AP4S1: variants seen among roughly 807,000 people sequenced by gnomAD.
The protein encoded by AP4S1 is AP-4 complex subunit sigma-1.
AP4S1 carries 23 observed loss-of-function variants against 19.8 expected under a neutral mutation model. The ratio of observed to expected loss-of-function variants is 1.16; its 90% confidence interval spans 0.84 to 1.65. The LOEUF (loss-of-function observed/expected upper bound fraction) is 1.65, where lower values mean the gene tolerates loss of function less well. Among genes scored for constraint, AP4S1 ranks in the 40% most tolerant of loss-of-function variants. AP4S1 has a pLI of 0.00. For synonymous variants in AP4S1, 46 were observed against 54.1 expected (o/e 0.85, Z 0.66); for missense variants, 166 against 172.8 (o/e 0.96, Z 0.22).
At chr14:31,054,887 A>C (rs1486727204) in intron 1 of AP4S1, among the ~76,000 whole-genome samples, 3 of 148,658 alleles carry the variant, frequency 2.0e-5, no homozygotes, top group Non-Finnish European at 4.5e-5. Context: ...AAAAAAAAAA[A>C]AAAAAAAAAC....
At chr14:31,056,802 G>C (rs1886145386) in intron 1 of AP4S1, among the ~76,000 whole-genome samples, 1 of 152,124 alleles carries the variant, frequency 6.6e-6, no homozygotes, top group South Asian at 2.1e-4. Flanking sequence ...CATTTGGCTG[G>C]GCACAATGTC....
rs532172115 is a variant in AP4S1, at chr14:31,050,570, A to G, written c.-71-15556A>G. Among the ~76,000 whole-genome samples, 47 of 152,258 alleles carry G rather than the reference A, an allele frequency of 3.1e-4. 2 individuals carry two copies. The South Asian group carries it at 8.7e-3, about 28-fold the overall frequency. ...AGCAATTCTCCCACCTCAGCCTCCC[A>G]AGTATCTGGGATTACAGGTTTGAGT... On this transcript the variant is annotated intron_variant, in intron 1 of 5. Transcript: ENST00000542754.
Position 31,092,918 on chromosome 14 carries a change from T to C in AP4S1, c.318T>C (p.Asn106=). 6.5e-7 allele frequency: 1 copy of C among 1,529,070 alleles called. No individual in the cohort carries two copies. Among genetic ancestry groups the C allele is most frequent in the East Asian group, 2.5e-5 (1 of 40,448 alleles). 94.7% of individuals were successfully genotyped at this position (1,529,070 alleles called of 1,614,324 possible). A position where few individuals can be genotyped will look rare whatever the true frequency, so the allele number is the denominator to read the frequency against. Residue 106 remains asparagine, a synonymous_variant, in exon 6 of 6, where the codon AAT becomes AAC. Coordinates refer to ENST00000542754, the MANE Select transcript of AP4S1 (RefSeq NM_001128126.3). ...TAATATAACCGTAGATAATGTTTAA[T>C]TTGGATAAAGTACACATCATTTTGG... ...SRVSELDIMF[N]LDKVHIILDE... is the part of the protein sequence containing the mutation.
At chr14:31,082,018 C>A (rs1711362898) in intron 5 of AP4S1, among the ~76,000 whole-genome samples, 1 of 152,088 alleles carries the variant, frequency 6.6e-6, no homozygotes, top group Admixed American at 6.6e-5. Context: ...TTTATATATA[C>A]ACTTATATAA....
At chr14:31,057,462 A>C (rs1886182072) in intron 1 of AP4S1, among the ~76,000 whole-genome samples, 1 of 152,192 alleles carries the variant, frequency 6.6e-6, no homozygotes, top group African/African-American at 2.4e-5. Flanking sequence ...AACTCCCAGA[A>C]ATACGCCATC....
chr14:31,049,426 A>AG (rs1478005217), intron 1 of AP4S1, among the ~76,000 whole-genome samples: 2 of 43,048 alleles, frequency 4.6e-5, no homozygotes, highest in East Asian at 8.8e-4. Flanking sequence ...AAAAAAAAAA[A>AG]AAATATATAT....
At chr14:31,041,687 A>G (rs538556912) in intron 1 of AP4S1, among the ~76,000 whole-genome samples, 79 of 152,332 alleles carry the variant, frequency 5.2e-4, no homozygotes, top group African/African-American at 1.7e-3. Context: ...CAAAAATTTG[A>G]CAAAGAGTTT....
chr14:31,025,705 T>C lies in AP4S1; in HGVS notation c.-154T>C. ...CCCGCACCGCGTAGCCAGTGAAGGT[T>C]GGGGAGCAAGCTTATGCGGGAAAGA... is the stretch of plus-strand genomic sequence containing the variant. On this transcript the variant is annotated 5_prime_UTR_variant, in exon 1 of 6. Transcript: ENST00000542754. The C allele has an allele frequency of 1.3e-6, 1 of 788,916 alleles. No individual in the cohort carries two copies. The highest frequency in any genetic ancestry group is 1.9e-6 in the Non-Finnish European group (1 of 519,000). The allele number at this position is 788,916 out of a possible 1,614,324, so 48.9% of individuals were successfully genotyped here. A position where few individuals can be genotyped will look rare whatever the true frequency, so the allele number is the denominator to read the frequency against.
intron 1 of AP4S1, among the ~76,000 whole-genome samples, chr14:31,044,659 TA>T (rs35865489): frequency 8.2e-4 from 119 of 145,714 alleles, no homozygotes; most frequent in Non-Finnish European, 7.3e-4. Flanking sequence ...TGCTAGTTTC[TA>T]AAAAAAAAAA....
rs1214334184 is a variant in AP4S1 at position 31,073,503 on chromosome 14, A to C, written c.294+530A>C. Reference sequence around the variant, plus strand: ...AGACTCCGTCTCAGAAAAAAAAAAAACCCTCTTATTTGTTTTCTCCCAATT... The same window carrying C: ...AGACTCCGTCTCAGAAAAAAAAAAACCCCTCTTATTTGTTTTCTCCCAATT... On this transcript the variant is annotated intron_variant, in intron 4 of 5. Coordinates refer to ENST00000542754, the MANE Select transcript of AP4S1 (RefSeq NM_001128126.3). Among the ~76,000 whole-genome samples the C allele has an allele frequency of 1.0e-4, 15 of 149,262 alleles. 1 individual carries two copies. Among genetic ancestry groups the C allele is most frequent in the Middle Eastern group, 6.8e-3 (2 of 294 alleles).
chr14:31,068,775 T>A (rs776331208), intron 2 of AP4S1, among the ~76,000 whole-genome samples: 37 of 152,226 alleles, frequency 2.4e-4, no homozygotes, highest in Admixed American at 4.6e-4. Flanking sequence ...AGTAGCATAA[T>A]AGCAGCTTAG....
intron 1 of AP4S1, among the ~76,000 whole-genome samples, chr14:31,046,263 T>C (rs1031800037): frequency 5.9e-5 from 9 of 151,982 alleles, no homozygotes; most frequent in African/African-American, 2.2e-4. Context: ...AGCCAGAAGA[T>C]TTTTTAAATC....
At chr14:31,057,327 G>A (rs1487840884) in intron 1 of AP4S1, among the ~76,000 whole-genome samples, 1 of 152,046 alleles carries the variant, frequency 6.6e-6, no homozygotes. Context: ...CTTTTGTTTT[G>A]AACCTGGAAG....
intron 1 of AP4S1, among the ~76,000 whole-genome samples, chr14:31,037,245 T>C (rs562010759): frequency 6.6e-6 from 1 of 151,014 alleles, no homozygotes; most frequent in Non-Finnish European, 1.5e-5. Context: ...TTCTTGTTGC[T>C]ACCTTAGTTT....
chr14:31,071,157 A>G (rs558399709), intron 3 of AP4S1, among the ~76,000 whole-genome samples: 1 of 152,238 alleles, frequency 6.6e-6, no homozygotes, highest in South Asian at 2.1e-4. Context: ...CACAAATGCC[A>G]CTCCCAAATC....
intron 1 of AP4S1, among the ~76,000 whole-genome samples, chr14:31,041,026 A>C (rs1448763109): frequency 6.7e-6 from 1 of 150,302 alleles, no homozygotes. Flanking sequence ...CAGTGAGCTG[A>C]GATCGCACCA....
At chr14:31,070,462 G>A (rs1454958835) in intron 3 of AP4S1, among the ~76,000 whole-genome samples, 1 of 151,566 alleles carries the variant, frequency 6.6e-6, no homozygotes, top group African/African-American at 2.4e-5. Context: ...TGCCCAGGTT[G>A]GCCTAGAACT....
chr14:31,064,595 T>A (rs999276614), intron 1 of AP4S1, among the ~76,000 whole-genome samples: 3 of 152,142 alleles, frequency 2.0e-5, no homozygotes, highest in Admixed American at 6.5e-5. Flanking sequence ...ATGCTGGGAT[T>A]ACAGGCATGA....
intron 1 of AP4S1, among the ~76,000 whole-genome samples, chr14:31,030,223 T>C (rs148960955): frequency 6.0e-4 from 91 of 152,270 alleles, no homozygotes; most frequent in African/African-American, 1.9e-3. Flanking sequence ...CCTAGCAAAG[T>C]GCTGGGGTTA....
Sources: allele counts gnomAD v4.1 joint callset (sites outside exome capture counted in the v4.1 genomes callset), GRCh38; gene constraint gnomAD v4.1.1; transcripts MANE v1.5; gene names NCBI Gene and HGNC (gene_info 2026-07-23, HGNC 2026-07-21).